TRAF2: variants seen among roughly 807,000 people sequenced by gnomAD.
The protein encoded by TRAF2 is TNF receptor-associated factor 2.
A neutral mutation model predicts 55.6 loss-of-function variants in TRAF2; 6 were observed. The ratio of observed to expected loss-of-function variants is 0.11; its 90% CI spans 0.06 to 0.21. The LOEUF (loss-of-function observed/expected upper bound fraction) is 0.21. Among genes scored for constraint, TRAF2 ranks in the 10% least tolerant of loss-of-function variants. The probability of loss-of-function intolerance (pLI) is 1.00; values close to 1 mark genes in which losing one functional copy is unlikely to be tolerated. For synonymous variants in TRAF2, 329 were observed against 276.3 expected (o/e 1.19, Z -1.89); for missense variants, 561 against 684.5 (o/e 0.82, Z 2.01).
chr9:136,919,870 C>A (rs1850341996), intron 7 of TRAF2, among the ~76,000 whole-genome samples: 2 of 152,094 alleles, frequency 1.3e-5, no homozygotes, highest in Admixed American at 6.6e-5. Context: ...CACACACCAC[C>A]ATGCCCAGCT....
intron 1 of TRAF2, among the ~76,000 whole-genome samples, chr9:136,894,827 G>A (rs913779615): frequency 2.6e-5 from 4 of 152,174 alleles, no homozygotes; most frequent in African/African-American, 9.7e-5. Context: ...AAAGCATCCT[G>A]GATAGCTGGG....
chr9:136,916,268 T>A (rs1029668644), intron 6 of TRAF2, among the ~76,000 whole-genome samples: 2 of 152,134 alleles, frequency 1.3e-5, no homozygotes, highest in African/African-American at 4.8e-5. Context: ...GGGACAGGCG[T>A]GCCATGTGAC....
chr9:136,888,572 C>T (rs997637482), intron 1 of TRAF2, among the ~76,000 whole-genome samples: 4 of 152,144 alleles, frequency 2.6e-5, no homozygotes, highest in African/African-American at 7.2e-5. Context: ...GTGAGAAGGG[C>T]GAGGCCTGGG....
upstream of TRAF2, chr9:136,882,002 C>A (rs565945521): frequency 6.1e-6 from 6 of 985,458 alleles, no homozygotes; most frequent in African/African-American, 1.0e-4. Flanking sequence ...GGCAAGCTCT[C>A]GGTGTGAGCA....
chr9:136,920,909 G>A (rs962487088), intron 8 of TRAF2, 129 bp from the exon 9 acceptor site: 1 of 1,143,640 alleles, frequency 8.7e-7, no homozygotes, highest in Non-Finnish European at 1.2e-6. Flanking sequence ...TGCAGGGAGT[G>A]GACATGAGAA....
intron 10 of TRAF2, among the ~76,000 whole-genome samples, chr9:136,924,779 G>A (rs17250855): frequency 5.9e-5 from 9 of 152,028 alleles, no homozygotes; most frequent in South Asian, 2.1e-4. Flanking sequence ...TTGCTCTGTC[G>A]CCCAGGCTGG....
upstream of TRAF2, among the ~76,000 whole-genome samples, chr9:136,882,432 T>C (rs554996474): frequency 1.3e-5 from 2 of 152,310 alleles, no homozygotes; most frequent in South Asian, 2.1e-4. Flanking sequence ...CTGTGGTCCA[T>C]GGTCATGCCG....
At chr9:136,905,241 T>G (rs1849918667) in intron 4 of TRAF2, among the ~76,000 whole-genome samples, 1 of 152,162 alleles carries the variant, frequency 6.6e-6, no homozygotes, top group Non-Finnish European at 1.5e-5. Context: ...TCAGGAACCT[T>G]CCTCTCAGCA....
chr9:136,918,227 TTATATATATATATATA>T (rs764701854), intron 7 of TRAF2, among the ~76,000 whole-genome samples: 1 of 68,080 alleles, frequency 1.5e-5, no homozygotes, highest in Non-Finnish European at 2.6e-5. Context: ...AGTGTTTTGT[TTATATATATATATATA>T]TATATATATA....
intron 4 of TRAF2, among the ~76,000 whole-genome samples, chr9:136,907,074 G>GT (rs1849971424): frequency 6.6e-6 from 1 of 152,274 alleles, no homozygotes. Flanking sequence ...AGGTGGCTGG[G>GT]TTCTGCATCC....
At chr9:136,918,578 G>T (rs959560307) in intron 7 of TRAF2, among the ~76,000 whole-genome samples, 34 of 151,660 alleles carry the variant, frequency 2.2e-4, no homozygotes, top group Non-Finnish European at 1.5e-5. Context: ...GCATGACCGC[G>T]CCTGGCCTCA....
At chr9:136,920,652 G>C in intron 8 of TRAF2, 137 bp downstream of exon 8, 1 of 1,232,766 alleles carries the variant, frequency 8.1e-7, no homozygotes, top group Non-Finnish European at 1.1e-6. Flanking sequence ...CCCCAGTCCA[G>C]TGTGGTTTAG....
intron 6 of TRAF2, 134 bp from the exon 7 acceptor site, chr9:136,916,404 GGTT>G: frequency 1.3e-6 from 1 of 787,510 alleles, no homozygotes; most frequent in East Asian, 2.6e-5. Context: ...TGGGCTGTTG[GGTT>G]TCATTCAGTG....
chr9:136,908,450 C>T (rs912827115), intron 5 of TRAF2, among the ~76,000 whole-genome samples: 4 of 152,248 alleles, frequency 2.6e-5, no homozygotes, highest in Admixed American at 6.5e-5. Context: ...AAGCCGGGCA[C>T]GGCGGCTCAC....
At position 136,891,397 on chromosome 9, in the gene TRAF2, C is replaced by T. The variant is rs17250071; in HGVS notation, c.-29+4856C>T. 2.7e-3 allele frequency among the ~76,000 whole-genome samples: 412 copies of T among 152,118 alleles called. 3 individuals carry two copies. Among genetic ancestry groups the T allele is most frequent in the African/African-American group, 9.6e-3 (398 of 41,494 alleles). ...TGCTGGGATTACAAGTGTGAGCCACCGCGCCCAGCCATTTTTTTGTGTTTT... is the reference window on the plus strand; with the variant it reads ...TGCTGGGATTACAAGTGTGAGCCACTGCGCCCAGCCATTTTTTTGTGTTTT... On this transcript the variant is annotated intron_variant, in intron 1 of 10. Coordinates refer to ENST00000247668, the MANE Select transcript of TRAF2 (RefSeq NM_021138.4).
chr9:136,882,015 T>A, upstream of TRAF2: 1 of 984,280 alleles, frequency 1.0e-6, no homozygotes, highest in Non-Finnish European at 1.2e-6. Flanking sequence ...TGTGAGCAAG[T>A]GGACTGCGGC....
intron 6 of TRAF2, among the ~76,000 whole-genome samples, chr9:136,912,885 C>T (rs1850150614): frequency 6.6e-6 from 1 of 152,126 alleles, no homozygotes; most frequent in African/African-American, 2.4e-5. Context: ...GCAATCCCAG[C>T]ACTTTGGGAA....
upstream of TRAF2, chr9:136,886,273 G>C (rs547442536): frequency 6.0e-5 from 28 of 466,232 alleles, no homozygotes; most frequent in South Asian, 2.0e-3. Context: ...AGCAGAGGGC[G>C]ACTTAGGTAC....
upstream of TRAF2, among the ~76,000 whole-genome samples, chr9:136,882,367 T>C (rs1849385017): frequency 6.6e-6 from 1 of 152,206 alleles, no homozygotes; most frequent in South Asian, 2.1e-4. Flanking sequence ...AGTAGGTAGC[T>C]GTGGGGTCCT....
Sources: gnomAD v4.1 joint callset for allele counts (sites outside exome capture counted in the v4.1 genomes callset) on GRCh38, gnomAD v4.1.1 for gene constraint, MANE v1.5 for transcripts, NCBI Gene and HGNC (gene_info 2026-07-23, HGNC 2026-07-21) for gene names.